STPG2: variants seen among roughly 807,000 people sequenced by gnomAD.
STPG2 encodes the protein sperm tail PG-rich repeat containing 2.
In STPG2, 56 loss-of-function variants were observed where a neutral mutation model predicts 54.2. The ratio of observed to expected loss-of-function variants is 1.03; its 90% CI spans 0.83 to 1.29. STPG2 has a LOEUF of 1.29. Ranked by LOEUF, STPG2 falls within the 50% of genes most tolerant of loss-of-function variation. The pLI is 0.00. For missense variants in STPG2, 596 were observed against 544.9 expected, an observed-to-expected ratio of 1.09 and a Z score of -0.93; for synonymous variants, 200 against 181.8, an observed-to-expected ratio of 1.10 and a Z score of -0.81.
chr4:98,026,131 C>A (rs1330241783), intron 5 of STPG2: 5 of 1,465,064 alleles, frequency 3.4e-6, no homozygotes, highest in Non-Finnish European at 3.8e-6. Flanking sequence ...AGAATCCAGT[C>A]TATGAAAAGA....
intron 10 of STPG2, among the ~76,000 whole-genome samples, chr4:97,662,801 T>A (rs1387100620): frequency 6.6e-6 from 1 of 152,114 alleles, no homozygotes; most frequent in African/African-American, 2.4e-5. Flanking sequence ...GGGGAGGAAG[T>A]GGGGACTGTG....
intron 8 of STPG2, chr4:97,892,945 C>A (rs1730827652): frequency 6.6e-6 from 1 of 152,140 alleles, no homozygotes; most frequent in South Asian, 2.1e-4. Context: ...AGAACCAGAA[C>A]CAATCCAAAA....
chr4:98,093,884 C>T (rs1000138661), intron 5 of STPG2, among the ~76,000 whole-genome samples: 11 of 152,286 alleles, frequency 7.2e-5, no homozygotes, highest in Middle Eastern at 3.4e-3. Context: ...AGGGGAATCA[C>T]CCATCCCAGT....
intron 4 of STPG2, among the ~76,000 whole-genome samples, chr4:97,515,469 T>C (rs1442502014): frequency 1.3e-5 from 2 of 151,964 alleles, no homozygotes; most frequent in Non-Finnish European, 1.5e-5. Context: ...GAAAAGGGAA[T>C]TGAAATAAGA....
intron 9 of STPG2, among the ~76,000 whole-genome samples, chr4:97,736,017 G>A (rs776808542): frequency 3.9e-5 from 6 of 152,152 alleles, no homozygotes; most frequent in African/African-American, 7.2e-5. Context: ...TGTTAGGATG[G>A]CAAATACCAA....
intron 5 of STPG2, among the ~76,000 whole-genome samples, chr4:98,086,458 T>C (rs1738515660): frequency 1.3e-5 from 2 of 151,952 alleles, no homozygotes; most frequent in African/African-American, 4.8e-5. Context: ...TAAATGTACA[T>C]ATAATAAGAT....
intron 9 of STPG2, among the ~76,000 whole-genome samples, chr4:97,714,388 C>T (rs1281498403): frequency 1.3e-5 from 2 of 152,038 alleles, no homozygotes; most frequent in African/African-American, 4.8e-5. Flanking sequence ...TCTAAAGTTC[C>T]TTGTGGGAAG....
At chr4:97,948,670 C>A (rs934999091) in intron 7 of STPG2, among the ~76,000 whole-genome samples, 2 of 152,044 alleles carry the variant, frequency 1.3e-5, no homozygotes, top group Admixed American at 1.3e-4. Flanking sequence ...ATTTTTAACA[C>A]AAAAATCATT....
At position 97,592,473 on chromosome 4, in the gene STPG2, ATC is replaced by A. The variant is rs377285982; in HGVS notation, c.1321-33358_1321-33357del. 3.3e-3 allele frequency among the ~76,000 whole-genome samples: 505 copies of A among 152,284 alleles called. 3 individuals are homozygous for A. The highest frequency in any genetic ancestry group is 0.011 in the African/African-American group (477 of 41,570). ...CTTTTATTATGAAAATTTTAATCAA[ATC>A]TCTTTTTTATATTAAAACTATATTC... On this transcript the variant is annotated intron_variant, in intron 10 of 10. Transcript: ENST00000295268.
At chr4:97,458,791 C>T (rs1322868800) in intron 4 of STPG2, among the ~76,000 whole-genome samples, 1 of 152,034 alleles carries the variant, frequency 6.6e-6, no homozygotes, top group African/African-American at 2.4e-5. Flanking sequence ...TGAAACTAAT[C>T]ATACCAAATA....
intron 4 of STPG2, among the ~76,000 whole-genome samples, chr4:97,510,954 C>A (rs1730958911): frequency 6.6e-6 from 1 of 151,910 alleles, no homozygotes; most frequent in Non-Finnish European, 1.5e-5. Flanking sequence ...GGCAACAGAG[C>A]AAACTCCCAT....
intron 9 of STPG2, among the ~76,000 whole-genome samples, chr4:97,795,801 T>C (rs1727153087): frequency 6.6e-6 from 1 of 152,184 alleles, no homozygotes; most frequent in African/African-American, 2.4e-5. Flanking sequence ...GGTGAACTAG[T>C]TTACAGTGCC....
At chr4:97,838,991 C>G (rs1322980923) in intron 9 of STPG2, among the ~76,000 whole-genome samples, 1 of 151,518 alleles carries the variant, frequency 6.6e-6, no homozygotes, top group Non-Finnish European at 1.5e-5. Flanking sequence ...AAACTCTTTT[C>G]ATTTCACAAG....
At chr4:97,512,724 T>G (rs1730998510) in intron 4 of STPG2, among the ~76,000 whole-genome samples, 1 of 152,018 alleles carries the variant, frequency 6.6e-6, no homozygotes, top group African/African-American at 2.4e-5. Flanking sequence ...AGCTATCACT[T>G]ATTGAGGGCT....
At chr4:97,904,054 G>A (rs1488330734) in intron 8 of STPG2, among the ~76,000 whole-genome samples, 1 of 152,210 alleles carries the variant, frequency 6.6e-6, no homozygotes, top group Admixed American at 6.5e-5. Context: ...GGCTTGCTTA[G>A]GTAAACAAAG....
At chr4:98,129,342 C>A (rs1162033355) in intron 2 of STPG2, among the ~76,000 whole-genome samples, 1 of 152,140 alleles carries the variant, frequency 6.6e-6, no homozygotes, top group Non-Finnish European at 1.5e-5. Flanking sequence ...TTCCCAGCTC[C>A]TGACTTTTTG....
chr4:97,746,030 A>G (rs1467353549), intron 9 of STPG2, among the ~76,000 whole-genome samples: 1 of 151,336 alleles, frequency 6.6e-6, no homozygotes, highest in East Asian at 1.9e-4. Flanking sequence ...ATGTTTCAAT[A>G]GCTGATTTCT....
At chr4:97,847,025 G>A (rs1178547718) in intron 8 of STPG2, among the ~76,000 whole-genome samples, 2 of 152,046 alleles carry the variant, frequency 1.3e-5, no homozygotes, top group East Asian at 3.9e-4. Flanking sequence ...CATTATCATT[G>A]AAGTGACTTA....
intron 7 of STPG2, among the ~76,000 whole-genome samples, chr4:97,945,697 T>C (rs1407903049): frequency 1.3e-5 from 2 of 151,902 alleles, no homozygotes; most frequent in Non-Finnish European, 2.9e-5. Context: ...AGCATTCTCT[T>C]TTCAAGACCC....
Sources: allele counts gnomAD v4.1 joint callset (sites outside exome capture counted in the v4.1 genomes callset), GRCh38; gene constraint gnomAD v4.1.1; transcripts MANE v1.5; gene names NCBI Gene and HGNC (gene_info 2026-07-23, HGNC 2026-07-21).